The following CAMSAP2 variants were observed in gnomAD, a reference collection of about 807,000 sequenced individuals.
CAMSAP2 encodes calmodulin regulated spectrin associated protein family member 2, also known as calmodulin-regulated spectrin-associated protein 2.
A neutral mutation model predicts 146.1 loss-of-function variants in CAMSAP2; 26 were observed. That is an observed-to-expected ratio of 0.18 (90% confidence interval 0.13 to 0.25). CAMSAP2 has a LOEUF of 0.25. Among genes scored for constraint, CAMSAP2 ranks in the 10% least tolerant of loss-of-function variants. The pLI is 1.00. For missense variants in CAMSAP2, 1,381 were observed against 1,759.3 expected (o/e 0.78, Z 3.85); for synonymous variants, 499 against 596.6 (o/e 0.84, Z 2.38).
chr1:200,849,716 T>G lies in CAMSAP2; in HGVS notation c.2947T>G (p.Leu983Val). Residue 983 changes from leucine to valine, a missense_variant, in exon 11 of 17, where the codon TTA (leucine) becomes GTA (valine). Coordinates refer to ENST00000358823, the MANE Select transcript of CAMSAP2 (RefSeq NM_203459.4). The surrounding 1 kb of genome is among the most constrained non-coding windows in gnomAD (Gnocchi z 6.3). ...KSQRTPRPNELKITPLNRTLT... is the reference protein window; with the variant it reads ...KSQRTPRPNEVKITPLNRTLT... The stretch of plus-strand genomic sequence containing the variant: ...TCAAAGGACTCCTAGGCCAAATGAG[T>G]TAAAAATAACACCTTTGAATCGAAC... 1 of 1,614,182 alleles carries G rather than the reference T, an allele frequency of 6.2e-7. No individual in the cohort carries two copies. Among genetic ancestry groups the G allele is most frequent in the South Asian group, 1.1e-5 (1 of 91,082 alleles).
At chr1:200,743,103 T>C (rs1215607947) in intron 1 of CAMSAP2, among the ~76,000 whole-genome samples, 1 of 152,224 alleles carries the variant, frequency 6.6e-6, no homozygotes, top group African/African-American at 2.4e-5. Context: ...AGTTCAACTA[T>C]CTGTGCCTTT....
At chr1:200,820,421 A>G (rs1666726537) in intron 4 of CAMSAP2, among the ~76,000 whole-genome samples, 1 of 152,222 alleles carries the variant, frequency 6.6e-6, no homozygotes, top group African/African-American at 2.4e-5. Flanking sequence ...TTAAAAAGAA[A>G]TATTTGTGAG....
intron 1 of CAMSAP2, among the ~76,000 whole-genome samples, chr1:200,746,898 G>A (rs1371943010): frequency 1.3e-5 from 2 of 151,880 alleles, no homozygotes; most frequent in African/African-American, 4.8e-5. Context: ...GATTACAGGC[G>A]TGAGTCAACT....
chr1:200,853,180 T>C lies in CAMSAP2; in HGVS notation c.3603-95T>C. The C allele has an allele frequency of 9.2e-7, 1 of 1,087,492 alleles. No homozygotes were observed. Among genetic ancestry groups the C allele is most frequent in the South Asian group, 1.5e-5 (1 of 65,806 alleles). The allele number at this position is 1,087,492 out of a possible 1,614,324, so 67.4% of individuals were successfully genotyped here. On this transcript the variant is annotated intron_variant, in intron 12 of 16. Coordinates refer to ENST00000358823, the MANE Select transcript of CAMSAP2 (RefSeq NM_203459.4). The surrounding 1 kb of genome is among the most constrained non-coding windows in gnomAD (Gnocchi z 5.1). ...CCATTTATTCACCAAGGTGATGAAA[T>C]AGAATTCTCCTTTCTCATATCAAAT...
Position 200,765,380 on chromosome 1 carries a change from G to A in CAMSAP2, c.399+4282G>A, listed in dbSNP as rs367669501. ...GAGTAGCTGGGTAAATTACAGGTGC[G>A]CCACCATGCCCAGCTAATTTTTGTA... is the stretch of plus-strand genomic sequence containing the variant. On this transcript the variant is annotated intron_variant, in intron 2 of 16. Transcript: ENST00000358823. Among the ~76,000 whole-genome samples, 158 of 151,970 alleles carry A rather than the reference G, an allele frequency of 1.0e-3. 2 individuals are homozygous for A. The highest frequency in any genetic ancestry group is 2.0e-3 in the Non-Finnish European group (135 of 67,952).
chr1:200,768,668 G>C (rs1354870061), intron 2 of CAMSAP2, among the ~76,000 whole-genome samples: 3 of 151,922 alleles, frequency 2.0e-5, no homozygotes, highest in African/African-American at 4.8e-5. Context: ...TGTTGTTGTT[G>C]TTTTGAGATG....
intron 2 of CAMSAP2, among the ~76,000 whole-genome samples, chr1:200,766,986 A>G (rs530861888): frequency 1.3e-5 from 2 of 152,286 alleles, no homozygotes; most frequent in South Asian, 4.2e-4. Context: ...CAGGGGATGA[A>G]GTAGAGTTGT....
At chr1:200,783,189 T>A (rs1665489323) in intron 2 of CAMSAP2, among the ~76,000 whole-genome samples, 1 of 152,202 alleles carries the variant, frequency 6.6e-6, no homozygotes, top group Non-Finnish European at 1.5e-5. Context: ...TTGCTCCACT[T>A]CTTTGCCAAT....
intron 2 of CAMSAP2, among the ~76,000 whole-genome samples, chr1:200,769,215 T>TA (rs1325328687): frequency 2.0e-5 from 3 of 152,180 alleles, no homozygotes; most frequent in Non-Finnish European, 4.4e-5. Context: ...TTGTATTTTT[T>TA]ACCTAATAGT....
chr1:200,765,801 A>G (rs1327716236), intron 2 of CAMSAP2, among the ~76,000 whole-genome samples: 1 of 152,096 alleles, frequency 6.6e-6, no homozygotes, highest in African/African-American at 2.4e-5. Flanking sequence ...GGTTGAAGGA[A>G]TTGTTTGACT....
intron 2 of CAMSAP2, among the ~76,000 whole-genome samples, chr1:200,770,698 G>A (rs556171048): frequency 6.6e-6 from 1 of 152,290 alleles, no homozygotes; most frequent in East Asian, 1.9e-4. Context: ...ACAGGCGTGA[G>A]CCACCGCACC....
In CAMSAP2 at chr1:200,739,992, C is replaced by G. The variant is rs1401707071; in HGVS notation, c.139+26C>G. The G allele has an allele frequency of 6.2e-7, 1 of 1,611,744 alleles. No homozygotes were observed. The highest frequency in any genetic ancestry group is 8.5e-7 in the Non-Finnish European group (1 of 1,178,496). On this transcript the variant is annotated intron_variant, in intron 1 of 16. Coordinates refer to ENST00000358823, the MANE Select transcript of CAMSAP2 (RefSeq NM_203459.4). This position sits in a 1 kb window ranked among gnomAD's most constrained non-coding sequence, Gnocchi z 4.8. ...GTTAGTGGTGTCACCCTTTCCCTCC[C>G]CTCTTCCTCCTGATGTGGTCCACAT...
intron 2 of CAMSAP2, among the ~76,000 whole-genome samples, chr1:200,791,098 G>C (rs2103031557): frequency 6.6e-6 from 1 of 152,284 alleles, no homozygotes; most frequent in East Asian, 1.9e-4. Context: ...ACCTGCCTCG[G>C]CCTCCCAAAG....
chr1:200,793,216 A>G (rs896471643), intron 2 of CAMSAP2, among the ~76,000 whole-genome samples: 1 of 152,212 alleles, frequency 6.6e-6, no homozygotes, highest in African/African-American at 2.4e-5. Context: ...ATAGTAAGCA[A>G]TGATAATATT....
intron 8 of CAMSAP2, among the ~76,000 whole-genome samples, chr1:200,846,464 C>G (rs1444502897): frequency 6.6e-6 from 1 of 152,104 alleles, no homozygotes; most frequent in Non-Finnish European, 1.5e-5. Context: ...CCTATTTTTC[C>G]CAGCAGAAAC....
At chr1:200,775,427 C>A (rs1051560697) in intron 2 of CAMSAP2, among the ~76,000 whole-genome samples, 1 of 151,912 alleles carries the variant, frequency 6.6e-6, no homozygotes, top group African/African-American at 2.4e-5. Flanking sequence ...TTAAGGAGGA[C>A]AATGAGTTGA....
intron 3 of CAMSAP2, among the ~76,000 whole-genome samples, chr1:200,808,469 A>T (rs1666240297): frequency 6.6e-6 from 1 of 152,250 alleles, no homozygotes; most frequent in Non-Finnish European, 1.5e-5. Context: ...GAAAGCTGGC[A>T]TGAAGCTCGT....
chr1:200,841,541 C>T (rs960770040), intron 6 of CAMSAP2, among the ~76,000 whole-genome samples: 24 of 152,238 alleles, frequency 1.6e-4, no homozygotes, highest in Admixed American at 5.2e-4. Flanking sequence ...TCACCACGCC[C>T]GGCCAAATAA....
chr1:200,754,834 G>A (rs551431458), intron 1 of CAMSAP2, among the ~76,000 whole-genome samples: 14 of 152,036 alleles, frequency 9.2e-5, no homozygotes, highest in African/African-American at 2.9e-4. Context: ...TGCCTGCCTC[G>A]GCCTCCCAAA....
Sources: gnomAD v4.1 joint callset for allele counts (sites outside exome capture counted in the v4.1 genomes callset) on GRCh38, gnomAD v4.1.1 for gene constraint, Gnocchi (gnomAD v3.1) non-coding constraint, MANE v1.5 for transcripts, NCBI Gene and HGNC (gene_info 2026-07-23, HGNC 2026-07-21) for gene names.